Variants in RAB4A observed in about 807,000 individuals in gnomAD.
RAB4A encodes RAB4A, member RAS oncogene family.
Under a neutral mutation model 34.5 loss-of-function variants are expected in RAB4A, and 20 were observed. The ratio of observed to expected loss-of-function variants is 0.58; its 90% CI spans 0.41 to 0.84. The LOEUF is 0.84. Among genes scored for constraint, RAB4A ranks in the 40% least tolerant of loss-of-function variants. RAB4A has a pLI of 0.00. For missense variants in RAB4A, 228 were observed against 274.5 expected, an observed-to-expected ratio of 0.83 and a Z score of 1.20; for synonymous variants, 102 against 100.0, an observed-to-expected ratio of 1.02 and a Z score of -0.12.
chr1:229,281,346 A>T (rs557538477), intron 1 of RAB4A, among the ~76,000 whole-genome samples: 1 of 152,252 alleles, frequency 6.6e-6, no homozygotes, highest in Non-Finnish European at 1.5e-5. Context: ...CCTATATCTT[A>T]TTGGTGGGTT....
chr1:229,271,525 T>G (rs1571816966), intron 1 of RAB4A, among the ~76,000 whole-genome samples, 155 bp downstream of exon 1: 1 of 90,884 alleles, frequency 1.1e-5, no homozygotes, highest in Non-Finnish European at 2.4e-5. Flanking sequence ...GGGACCGGGA[T>G]GGGGGACGCG....
chr1:229,271,117 C>G lies in RAB4A; in HGVS notation c.-223C>G. On this transcript the variant is annotated 5_prime_UTR_variant, in exon 1 of 8. Transcript: ENST00000366690. ...GCCTCGCGTAGCCCATCTCCTCTTC[C>G]TCCTCGCGGTCGCGGCCGGACGGAG... is the stretch of plus-strand genomic sequence containing the variant. The G allele has an allele frequency of 5.6e-6, 2 of 359,566 alleles. No homozygotes were observed. The highest frequency in any genetic ancestry group is 9.8e-6 in the Non-Finnish European group (2 of 204,650). 22.3% of individuals were successfully genotyped at this position (359,566 alleles called of 1,614,324 possible).
chr1:229,297,340 T>G, intron 4 of RAB4A, 142 bp from the exon 5 acceptor site: 1 of 745,094 alleles, frequency 1.3e-6, no homozygotes, highest in Non-Finnish European at 2.1e-6. Flanking sequence ...ACTTGGTGCA[T>G]TCACGTTGTC....
chr1:229,292,983 C>T (rs1657134517), intron 3 of RAB4A, among the ~76,000 whole-genome samples: 1 of 152,228 alleles, frequency 6.6e-6, no homozygotes, highest in Admixed American at 6.5e-5. Flanking sequence ...GCTTCCTGCA[C>T]TTCTTGGCCA....
chr1:229,279,934 A>G (rs1656741327), intron 1 of RAB4A, among the ~76,000 whole-genome samples: 1 of 152,268 alleles, frequency 6.6e-6, no homozygotes, highest in African/African-American at 2.4e-5. Context: ...GGGCACAATT[A>G]TTTAACCAGT....
chr1:229,293,184 C>T lies in RAB4A; in HGVS notation c.228-2664C>T, dbSNP rs1657140044. Among the ~76,000 whole-genome samples the T allele has an allele frequency of 2.0e-5, 3 of 152,222 alleles. No individual in the cohort carries two copies. In the South Asian group the frequency reaches 6.2e-4, roughly 32 times the overall value. On this transcript the variant is annotated intron_variant, in intron 3 of 7. Transcript: ENST00000366690. ...GAGACGAGGTATGGGGATGGGCCAC[C>T]TCCCAGCACCTCCATGCCACCACCA...
At chr1:229,283,372 G>C (rs75121850) in intron 1 of RAB4A, among the ~76,000 whole-genome samples, 1 of 152,242 alleles carries the variant, frequency 6.6e-6, no homozygotes, top group South Asian at 2.1e-4. Flanking sequence ...AGCCTTGCAA[G>C]GGTGGAAGTT....
At chr1:229,277,695 G>T (rs745994448) in intron 1 of RAB4A, among the ~76,000 whole-genome samples, 1 of 150,988 alleles carries the variant, frequency 6.6e-6, no homozygotes, top group African/African-American at 2.5e-5. Context: ...CAACAACTCC[G>T]CTCCACAGTT....
At chr1:229,290,941 A>G (rs1657053821) in intron 3 of RAB4A, among the ~76,000 whole-genome samples, 1 of 152,146 alleles carries the variant, frequency 6.6e-6, no homozygotes, top group Non-Finnish European at 1.5e-5. Flanking sequence ...TAATTGGCCC[A>G]CCTAAAATCA....
intron 7 of RAB4A, among the ~76,000 whole-genome samples, chr1:229,303,301 G>C (rs777605891): frequency 6.6e-6 from 1 of 151,820 alleles, no homozygotes; most frequent in Non-Finnish European, 1.5e-5. Context: ...GGAGGTTGCA[G>C]TAAGCCAAGA....
Position 229,303,550 on chromosome 1 carries a change from T to C in RAB4A, c.*13-256T>C, listed in dbSNP as rs35788165. On this transcript the variant is annotated intron_variant, in intron 7 of 7. Coordinates refer to ENST00000366690, the MANE Select transcript of RAB4A (RefSeq NM_004578.4). The stretch of plus-strand genomic sequence containing the variant: ...GGAGCCCTTCCTGGATTGATTGAGG[T>C]CTAAATGAATGTGCCTTTTGCTAAA... Among the ~76,000 whole-genome samples the C allele has an allele frequency of 6.8e-3, 1,043 of 152,272 alleles. 10 individuals carry two copies. The highest frequency in any genetic ancestry group is 0.024 in the African/African-American group (1,014 of 41,542).
At chr1:229,288,879 A>G (rs925834563) in intron 3 of RAB4A, 36 bp downstream of exon 3, 1 of 1,244,468 alleles carries the variant, frequency 8.0e-7, no homozygotes, top group South Asian at 1.3e-5. Context: ...ATATTTGAAA[A>G]TTTGATTTAA....
At chr1:229,299,163 T>C in intron 6 of RAB4A, 91 bp downstream of exon 6, 1 of 901,302 alleles carries the variant, frequency 1.1e-6, no homozygotes, top group South Asian at 1.8e-5. Context: ...TCAGGGTGAT[T>C]TAGTAAAGAA....
In RAB4A at chr1:229,287,498, C is replaced by T. The variant is rs552501255; in HGVS notation, c.112+932C>T. On this transcript the variant is annotated intron_variant, in intron 2 of 7. Coordinates refer to ENST00000366690, the MANE Select transcript of RAB4A (RefSeq NM_004578.4). ...CAAGTTGCCAAGACTTTGTGTGGTA[C>T]AGTCTTAGAAAAGAATACCCAGAGG... is the stretch of plus-strand genomic sequence containing the variant. Among the ~76,000 whole-genome samples, 19 of 152,250 alleles carry T rather than the reference C, an allele frequency of 1.2e-4. No homozygotes were observed. In the East Asian group the frequency reaches 3.1e-3, roughly 25 times the overall value.
chr1:229,302,294 TATATATATATATA>T lies in RAB4A; in HGVS notation c.542-567_542-555del, dbSNP rs1203000791. On this transcript the variant is annotated intron_variant, in intron 6 of 7. Transcript: ENST00000366690. Reference sequence around the variant, plus strand: ...ATATATATATATATATATATATATATATATATATATATATATTTTTTTTTTTTTTTTACATGTG... The same window carrying T: ...ATATATATATATATATATATATATATTATTTTTTTTTTTTTTTTACATGTG... Among the ~76,000 whole-genome samples, 105 of 26,572 alleles carry T rather than the reference TATATATATATATA, an allele frequency of 4.0e-3. 5 individuals are homozygous for T. The highest frequency in any genetic ancestry group is 5.3e-3 in the African/African-American group (26 of 4,952). The allele number at this position is 26,572 out of a possible 152,430, so 17.4% of individuals were successfully genotyped here.
intron 1 of RAB4A, among the ~76,000 whole-genome samples, chr1:229,281,842 ATAT>A (rs1417354718): frequency 7.5e-6 from 1 of 133,322 alleles, no homozygotes; most frequent in East Asian, 2.1e-4. Flanking sequence ...ATATATATAT[ATAT>A]ATCATAGTTT....
At position 229,289,740 on chromosome 1, in the gene RAB4A, C is replaced by T. The variant is rs1000269996; in HGVS notation, c.227+897C>T. Among the ~76,000 whole-genome samples, 10 of 152,134 alleles carry T rather than the reference C, an allele frequency of 6.6e-5. No individual in the cohort carries two copies. In the South Asian group the frequency reaches 1.9e-3, roughly 28 times the overall value. On this transcript the variant is annotated intron_variant, in intron 3 of 7. Transcript: ENST00000366690. ...CTGAGGCAGGAAAATCGCTTGAACC[C>T]GGGAGGTGGAGGTTGCAGTGAGCTG...
rs149942439 is a variant in RAB4A, at chr1:229,305,173, A to G, written c.*1380A>G. 3.7e-6 allele frequency: 6 copies of G among 1,604,838 alleles called. No homozygotes were observed. In the South Asian group the frequency reaches 4.5e-5, roughly 12 times the overall value. On this transcript the variant is annotated 3_prime_UTR_variant, in exon 8 of 8. Coordinates refer to ENST00000366690, the MANE Select transcript of RAB4A (RefSeq NM_004578.4). ...AAATATCAGTATGTATCTGTTTTAGATATTTTGAGTTTTGCTTTTTTTATG... is the reference window on the plus strand; with the variant it reads ...AAATATCAGTATGTATCTGTTTTAGGTATTTTGAGTTTTGCTTTTTTTATG...
chr1:229,294,940 T>C (rs1177430172), intron 3 of RAB4A, among the ~76,000 whole-genome samples: 1 of 152,100 alleles, frequency 6.6e-6, no homozygotes, highest in Non-Finnish European at 1.5e-5. Context: ...AGCCAATTTA[T>C]TTTTATTTTG....
Sources: allele counts gnomAD v4.1 joint callset (sites outside exome capture counted in the v4.1 genomes callset), GRCh38; gene constraint gnomAD v4.1.1; transcripts MANE v1.5; gene names NCBI Gene and HGNC (gene_info 2026-07-23, HGNC 2026-07-21).